The following ACSL3 variants were observed in gnomAD, a reference collection of about 807,000 sequenced individuals.
ACSL3 encodes acyl-CoA synthetase long chain family member 3.
Under a neutral mutation model 84.7 loss-of-function variants are expected in ACSL3, and 34 were observed. The ratio of observed to expected loss-of-function variants is 0.40; its 90% confidence interval spans 0.31 to 0.53. ACSL3 has a LOEUF of 0.53. Among genes scored for constraint, ACSL3 ranks in the 20% least tolerant of loss-of-function variants. ACSL3 has a pLI of 0.48. For synonymous variants in ACSL3, 315 were observed against 299.4 expected (o/e 1.05, Z -0.54); for missense variants, 680 against 873.1 (o/e 0.78, Z 2.79).
chr2:222,912,096 TC>T (rs778595560), intron 4 of ACSL3, among the ~76,000 whole-genome samples: 4 of 152,250 alleles, frequency 2.6e-5, no homozygotes, highest in Non-Finnish European at 4.4e-5. Flanking sequence ...GTTATAGTTT[TC>T]TTTAGGTTCA....
intron 4 of ACSL3, among the ~76,000 whole-genome samples, chr2:222,912,289 A>G (rs1017442643): frequency 4.6e-5 from 7 of 152,236 alleles, no homozygotes; most frequent in African/African-American, 1.7e-4. Context: ...TCTCAGCTGC[A>G]TGTTAAACAT....
chr2:222,898,339 T>G (rs1696045825), intron 2 of ACSL3, among the ~76,000 whole-genome samples: 1 of 152,216 alleles, frequency 6.6e-6, no homozygotes, highest in Non-Finnish European at 1.5e-5. Flanking sequence ...AATGAGAATT[T>G]TGAAAAATGT....
At chr2:222,939,920 T>C (rs1697262084) in intron 16 of ACSL3, among the ~76,000 whole-genome samples, 1 of 152,224 alleles carries the variant, frequency 6.6e-6, no homozygotes, top group South Asian at 2.1e-4. Context: ...CCATTTCCCT[T>C]TGTTAGATTG....
Position 222,939,073 on chromosome 2 carries a change from G to A in ACSL3, c.2006-2424G>A, listed in dbSNP as rs183064832. Reference sequence around the variant, plus strand: ...GTAATTCATTGAGCATTCTTATGACGGTTATTTTGAATTTGGTAATTCATC... The same window carrying A: ...GTAATTCATTGAGCATTCTTATGACAGTTATTTTGAATTTGGTAATTCATC... On this transcript the variant is annotated intron_variant, in intron 16 of 16. Transcript: ENST00000357430. Among the ~76,000 whole-genome samples, 85 of 151,288 alleles carry A rather than the reference G, an allele frequency of 5.6e-4. 1 individual carries two copies. Among genetic ancestry groups the A allele is most frequent in the Admixed American group, 5.6e-3 (85 of 15,210 alleles).
intron 1 of ACSL3, among the ~76,000 whole-genome samples, chr2:222,874,814 A>G (rs75231036): frequency 0.042 from 6,325 of 152,244 alleles, 321 homozygotes; most frequent in African/African-American, 0.12. Context: ...GAAATTTTAT[A>G]GATTTACAGT....
At chr2:222,874,170 G>T (rs35575997) in intron 1 of ACSL3, among the ~76,000 whole-genome samples, 61 of 151,938 alleles carry the variant, frequency 4.0e-4, no homozygotes, top group Non-Finnish European at 5.1e-4. Flanking sequence ...TTACAGGTGC[G>T]CACCACCACA....
chr2:222,931,486 T>C (rs1264349444), intron 14 of ACSL3, among the ~76,000 whole-genome samples: 1 of 152,138 alleles, frequency 6.6e-6, no homozygotes, highest in African/African-American at 2.4e-5. Flanking sequence ...GACTCAAGAC[T>C]GTTCTCTTCA....
intron 2 of ACSL3, among the ~76,000 whole-genome samples, chr2:222,896,520 A>G (rs867077661): frequency 3.5e-3 from 13 of 3,672 alleles, no homozygotes; most frequent in Admixed American, 5.7e-3. Flanking sequence ...TGGCCGGGCG[A>G]GGGGCTGACC....
chr2:222,866,318 TG>T (rs1695138149), intron 1 of ACSL3, among the ~76,000 whole-genome samples: 1 of 152,124 alleles, frequency 6.6e-6, no homozygotes, highest in Non-Finnish European at 1.5e-5. Context: ...GCTAATTTTT[TG>T]TATTTTCGGT....
At chr2:222,930,348 T>C (rs1222577175) in intron 13 of ACSL3, among the ~76,000 whole-genome samples, 2 of 152,208 alleles carry the variant, frequency 1.3e-5, no homozygotes, top group African/African-American at 4.8e-5. Context: ...CTCTTGTATT[T>C]ATAATTTTAT....
Position 222,861,167 on chromosome 2 carries a change from T to A in ACSL3, c.-298T>A, listed in dbSNP as rs1447319543. On this transcript the variant is annotated 5_prime_UTR_variant, in exon 1 of 17. Transcript: ENST00000357430. ...TGCGGCCCCGACAGCTGCGCCAGGA[T>A]CCCCGGGCGGCGGCGCGGGGCGTGA... is the stretch of plus-strand genomic sequence containing the variant. The A allele has an allele frequency of 6.6e-6, 1 of 152,088 alleles. No individual in the cohort carries two copies. The highest frequency in any genetic ancestry group is 1.5e-5 in the Non-Finnish European group (1 of 68,068). 9.4% of individuals were successfully genotyped at this position (152,088 alleles called of 1,614,324 possible). A position where few individuals can be genotyped will look rare whatever the true frequency, so the allele number is the denominator to read the frequency against.
intron 11 of ACSL3, among the ~76,000 whole-genome samples, chr2:222,926,313 G>A (rs754329250): frequency 7.2e-5 from 11 of 152,184 alleles, no homozygotes; most frequent in Non-Finnish European, 1.3e-4. Context: ...AGGACTGGAT[G>A]CCAAGGGATA....
At chr2:222,893,841 CT>C (rs1695902755) in intron 2 of ACSL3, among the ~76,000 whole-genome samples, 1 of 151,782 alleles carries the variant, frequency 6.6e-6, no homozygotes, top group Non-Finnish European at 1.5e-5. Flanking sequence ...TTCTTTCTGA[CT>C]TTGTCTTTTC....
At chr2:222,873,811 A>G (rs1335580535) in intron 1 of ACSL3, among the ~76,000 whole-genome samples, 1 of 152,194 alleles carries the variant, frequency 6.6e-6, no homozygotes, top group African/African-American at 2.4e-5. Flanking sequence ...TTCATTACCC[A>G]TTATTATAAA....
intron 1 of ACSL3, chr2:222,861,836 C>T (rs75645825): frequency 0.018 from 2,790 of 152,356 alleles, 38 homozygotes; most frequent in Non-Finnish European, 0.025. Flanking sequence ...TTGAGAGTTG[C>T]AGCTTTGCTT....
At chr2:222,925,762 T>C (rs996409023) in intron 11 of ACSL3, among the ~76,000 whole-genome samples, 1 of 152,220 alleles carries the variant, frequency 6.6e-6, no homozygotes, top group Non-Finnish European at 1.5e-5. Flanking sequence ...AGTTTCTCTT[T>C]TGCTTTTATA....
chr2:222,930,403 CAGAAT>C (rs1218995695), intron 13 of ACSL3, among the ~76,000 whole-genome samples: 1 of 151,974 alleles, frequency 6.6e-6, no homozygotes, highest in South Asian at 2.1e-4. Flanking sequence ...ATTTTTTTCT[CAGAAT>C]AGAAGTTTGA....
chr2:222,902,993 T>C (rs1469348430), intron 3 of ACSL3, among the ~76,000 whole-genome samples: 1 of 152,194 alleles, frequency 6.6e-6, no homozygotes, highest in East Asian at 1.9e-4. Context: ...TAGGTATTTG[T>C]CTGCCTCCAG....
intron 1 of ACSL3, among the ~76,000 whole-genome samples, chr2:222,864,004 C>T (rs1695077241): frequency 6.6e-6 from 1 of 151,804 alleles, no homozygotes; most frequent in Admixed American, 6.6e-5. Flanking sequence ...TAGCATATCT[C>T]ATCTGATCCT....
Sources: allele counts gnomAD v4.1 joint callset (sites outside exome capture counted in the v4.1 genomes callset), GRCh38; gene constraint gnomAD v4.1.1; transcripts MANE v1.5; gene names NCBI Gene and HGNC (gene_info 2026-07-23, HGNC 2026-07-21).